The following MCPH1 variants were observed in gnomAD, a reference collection of about 807,000 sequenced individuals.
The protein encoded by MCPH1 is microcephalin 1.
MCPH1 carries 104 observed loss-of-function variants against 84.5 expected under a neutral mutation model. The ratio of observed to expected loss-of-function variants is 1.23; its 90% CI spans 1.05 to 1.45. The LOEUF is 1.45. Ranked by LOEUF, MCPH1 falls within the 40% of genes most tolerant of loss-of-function variation. MCPH1 has a pLI of 0.00. For missense variants in MCPH1, 1,498 were observed against 1,005.7 expected, an observed-to-expected ratio of 1.49 and a Z score of -6.62; for synonymous variants, 514 against 366.8, an observed-to-expected ratio of 1.40 and a Z score of -4.58.
rs138549604 is a variant in MCPH1 at position 6,637,868 on chromosome 8, G to C, written c.2453-5126G>C. On this transcript the variant is annotated intron_variant, in intron 13 of 13. Coordinates refer to ENST00000344683, the MANE Select transcript of MCPH1 (RefSeq NM_024596.5). ...CCAGGGACGTATCGATGGAGGTGTT[G>C]TGAAGTTGTCATATTTTAAATATAC... Among the ~76,000 whole-genome samples the C allele has an allele frequency of 3.3e-5, 5 of 152,274 alleles. No homozygotes were observed. In the East Asian group the frequency reaches 9.7e-4, roughly 29 times the overall value.
At chr8:6,578,865 G>A (rs1187255601) in intron 12 of MCPH1, among the ~76,000 whole-genome samples, 1 of 152,154 alleles carries the variant, frequency 6.6e-6, no homozygotes, top group Non-Finnish European at 1.5e-5. Context: ...TTCAACGTTG[G>A]GAGCACAGGT....
chr8:6,498,136 T>G (rs73520701), intron 11 of MCPH1, among the ~76,000 whole-genome samples: 1 of 152,220 alleles, frequency 6.6e-6, no homozygotes, highest in South Asian at 2.1e-4. Context: ...AATATTAAAA[T>G]GTAAAAAACA....
intron 12 of MCPH1, among the ~76,000 whole-genome samples, chr8:6,608,237 C>A (rs1465211671): frequency 6.6e-6 from 1 of 152,146 alleles, no homozygotes; most frequent in Non-Finnish European, 1.5e-5. Context: ...CTCACCTGCC[C>A]GTGCTTACCG....
At chr8:6,508,548 ATAATC>A in intron 12 of MCPH1, 1 of 304,612 alleles carries the variant, frequency 3.3e-6, no homozygotes, top group East Asian at 6.0e-5. Context: ...AAATATTTCT[ATAATC>A]TATATTACTG....
intron 11 of MCPH1, among the ~76,000 whole-genome samples, chr8:6,495,690 T>C (rs890705543): frequency 4.6e-5 from 7 of 152,162 alleles, no homozygotes; most frequent in African/African-American, 1.2e-4. Flanking sequence ...ACAACCACAC[T>C]TTTTACCACA....
At chr8:6,420,681 A>G (rs551065213) in intron 3 of MCPH1, among the ~76,000 whole-genome samples, 1 of 152,216 alleles carries the variant, frequency 6.6e-6, no homozygotes, top group African/African-American at 2.4e-5. Context: ...TACAGTCGAG[A>G]CAAGTATCAT....
intron 11 of MCPH1, among the ~76,000 whole-genome samples, chr8:6,487,772 T>TTA (rs1411845808): frequency 1.3e-5 from 2 of 152,178 alleles, no homozygotes. Flanking sequence ...CTGCTACAGA[T>TTA]TATACCTTGG....
At chr8:6,447,637 G>A (rs530508609) in intron 8 of MCPH1, among the ~76,000 whole-genome samples, 3 of 152,100 alleles carry the variant, frequency 2.0e-5, no homozygotes, top group East Asian at 3.9e-4. Flanking sequence ...TGCAACCTCC[G>A]CCTCCCGAGT....
chr8:6,442,954 C>G (rs1370714083), intron 7 of MCPH1, among the ~76,000 whole-genome samples: 1 of 152,240 alleles, frequency 6.6e-6, no homozygotes, highest in Non-Finnish European at 1.5e-5. Context: ...TTACCCATTT[C>G]TCTTAAACAG....
At chr8:6,601,273 C>T (rs1829339780) in intron 12 of MCPH1, among the ~76,000 whole-genome samples, 2 of 152,196 alleles carry the variant, frequency 1.3e-5, no homozygotes, top group South Asian at 4.1e-4. Context: ...CATCAGGGCA[C>T]CCTGTGCTTC....
intron 12 of MCPH1, among the ~76,000 whole-genome samples, chr8:6,576,722 T>TTTTTTTC (rs1563148341): frequency 1.1e-5 from 1 of 91,506 alleles, no homozygotes; most frequent in African/African-American, 5.0e-5. Context: ...TTTTTTTTTT[T>TTTTTTTC]TTTTTAGTAG....
At chr8:6,475,802 A>C (rs1473825881) in intron 9 of MCPH1, among the ~76,000 whole-genome samples, 2 of 152,158 alleles carry the variant, frequency 1.3e-5, no homozygotes, top group African/African-American at 4.8e-5. Flanking sequence ...TTTCAGGATC[A>C]CACAGCAACT....
In MCPH1 at chr8:6,543,294, C is replaced by T. The variant is rs1241153602; in HGVS notation, c.2214+43365C>T. Among the ~76,000 whole-genome samples, 15 of 152,152 alleles carry T rather than the reference C, an allele frequency of 9.9e-5. No homozygotes were observed. The East Asian group carries it at 1.2e-3, about 12-fold the overall frequency. ...TGTACATGAAGATGCACTACTGACC[C>T]GCCGTCCGCAAATGTGTTTGTACAG... On this transcript the variant is annotated intron_variant, in intron 12 of 13. Transcript: ENST00000344683.
At chr8:6,604,438 C>A (rs1829598840) in intron 12 of MCPH1, among the ~76,000 whole-genome samples, 1 of 152,254 alleles carries the variant, frequency 6.6e-6, no homozygotes, top group East Asian at 1.9e-4. Context: ...CTCCAAGACT[C>A]TTTGCTTGGG....
chr8:6,422,566 C>A (rs921139348), intron 3 of MCPH1, among the ~76,000 whole-genome samples: 2 of 152,188 alleles, frequency 1.3e-5, no homozygotes, highest in African/African-American at 4.8e-5. Context: ...CTGGCCCAGC[C>A]CCTGACTCAT....
intron 12 of MCPH1, among the ~76,000 whole-genome samples, chr8:6,560,827 T>C (rs1825418035): frequency 6.6e-6 from 1 of 152,210 alleles, no homozygotes; most frequent in Non-Finnish European, 1.5e-5. Flanking sequence ...GAGCTTTGCT[T>C]ATGGAGTTTC....
At chr8:6,553,625 T>C (rs1196471532) in intron 12 of MCPH1, among the ~76,000 whole-genome samples, 3 of 152,142 alleles carry the variant, frequency 2.0e-5, no homozygotes, top group Non-Finnish European at 4.4e-5. Flanking sequence ...TTCCTGAGGC[T>C]GGCTGGGGCC....
rs1048284265 is a variant in MCPH1 at position 6,447,386 on chromosome 8, T to C, written c.1825+1839T>C. 6.5e-5 allele frequency: 64 copies of C among 985,424 alleles called. No individual in the cohort carries two copies. In the African/African-American group the frequency reaches 1.1e-3, roughly 17 times the overall value. 61.0% of individuals were successfully genotyped at this position (985,424 alleles called of 1,614,324 possible). A position where few individuals can be genotyped will look rare whatever the true frequency, so the allele number is the denominator to read the frequency against. On this transcript the variant is annotated intron_variant, in intron 8 of 13. Coordinates refer to ENST00000344683, the MANE Select transcript of MCPH1 (RefSeq NM_024596.5). ...TACCTCCAAATCTTTAATGTCGAAA[T>C]AAAGGGCTTTTTGCCATTTCTGTTT... is the stretch of plus-strand genomic sequence containing the variant.
intron 12 of MCPH1, among the ~76,000 whole-genome samples, chr8:6,576,127 C>T (rs998322688): frequency 1.3e-5 from 2 of 151,688 alleles, no homozygotes; most frequent in African/African-American, 4.8e-5. Flanking sequence ...AACACTGTTG[C>T]CATTTGGTTC....
Sources: allele counts gnomAD v4.1 joint callset (sites outside exome capture counted in the v4.1 genomes callset), GRCh38; gene constraint gnomAD v4.1.1; transcripts MANE v1.5; gene names NCBI Gene and HGNC (gene_info 2026-07-23, HGNC 2026-07-21).